PRKG1: variants seen among roughly 807,000 people sequenced by gnomAD.
The protein encoded by PRKG1 is cGMP-dependent protein kinase 1.
Under a neutral mutation model 88.1 loss-of-function variants are expected in PRKG1, and 35 were observed. That is an observed-to-expected ratio of 0.40 (90% CI 0.30 to 0.53). PRKG1 has a LOEUF of 0.53. Among genes scored for constraint, PRKG1 ranks in the 20% least tolerant of loss-of-function variants. The pLI is 0.59. For synonymous variants in PRKG1, 303 were observed against 292.5 expected, an observed-to-expected ratio of 1.04 and a Z score of -0.37; for missense variants, 540 against 839.8, an observed-to-expected ratio of 0.64 and a Z score of 4.41.
intron 10 of PRKG1, chr10:52,252,378 G>C (rs943209721): frequency 2.0e-5 from 3 of 151,998 alleles, no homozygotes; most frequent in African/African-American, 7.2e-5. Flanking sequence ...AGTGTCACAA[G>C]AATTAGAAAA....
At chr10:52,279,653 T>C (rs1277230352) in intron 12 of PRKG1, among the ~76,000 whole-genome samples, 2 of 151,344 alleles carry the variant, frequency 1.3e-5, no homozygotes, top group Non-Finnish European at 2.9e-5. Context: ...TCCACAATTT[T>C]GAAAAAAAAA....
intron 3 of PRKG1, among the ~76,000 whole-genome samples, chr10:51,597,701 T>C (rs987820918): frequency 6.6e-6 from 1 of 152,128 alleles, no homozygotes; most frequent in Non-Finnish European, 1.5e-5. Context: ...CAATATTGGA[T>C]GCACGAGAAG....
chr10:51,125,051 C>T (rs976741867), intron 1 of PRKG1, among the ~76,000 whole-genome samples: 7 of 152,200 alleles, frequency 4.6e-5, no homozygotes, highest in Non-Finnish European at 7.3e-5. Flanking sequence ...AGCATGGTGG[C>T]TGATGCCTAT....
intron 3 of PRKG1, among the ~76,000 whole-genome samples, chr10:51,567,794 C>A (rs1307429950): frequency 6.6e-6 from 1 of 152,032 alleles, no homozygotes; most frequent in Non-Finnish European, 1.5e-5. Context: ...GCCATGTTGG[C>A]CAGGCTGTTC....
intron 7 of PRKG1, among the ~76,000 whole-genome samples, chr10:52,082,551 T>A (rs1320055043): frequency 6.6e-6 from 1 of 152,152 alleles, no homozygotes; most frequent in East Asian, 1.9e-4. Flanking sequence ...TCTGGCAAGC[T>A]GGTGTGAGGG....
At chr10:51,944,829 G>A (rs1292846575) in intron 5 of PRKG1, among the ~76,000 whole-genome samples, 5 of 151,862 alleles carry the variant, frequency 3.3e-5, no homozygotes, top group East Asian at 3.9e-4. Flanking sequence ...ATAGTTTGTT[G>A]TAATTTCTGT....
intron 4 of PRKG1, among the ~76,000 whole-genome samples, chr10:51,892,564 G>T (rs1841748648): frequency 6.6e-6 from 1 of 152,092 alleles, no homozygotes; most frequent in Admixed American, 6.6e-5. Flanking sequence ...AGTCACCAGG[G>T]GTTTTGAAGT....
At chr10:51,729,706 C>CAAAAAAAAAAAAA (rs34900286) in intron 3 of PRKG1, among the ~76,000 whole-genome samples, 3 of 28,776 alleles carry the variant, frequency 1.0e-4, no homozygotes, top group African/African-American at 3.4e-4. Context: ...GACTCCATCT[C>CAAAAAAAAAAAAA]AAAAAAAAAA....
At chr10:52,045,424 C>T (rs1276701717) in intron 5 of PRKG1, among the ~76,000 whole-genome samples, 1 of 152,076 alleles carries the variant, frequency 6.6e-6, no homozygotes, top group Non-Finnish European at 1.5e-5. Context: ...TGCATCACAA[C>T]ACCAGAAAGA....
rs181236479 is a variant in PRKG1, at chr10:52,140,245, C to G, written c.1001+6340C>G. ...CCGTAGTTGTCCTGCTCCAGTTTTT[C>G]TCCATCCTGTATTCAGCTTTTTAAA... On this transcript the variant is annotated intron_variant, in intron 8 of 17. Transcript: ENST00000373980. Among the ~76,000 whole-genome samples the G allele has an allele frequency of 1.4e-4, 22 of 152,272 alleles. No individual in the cohort carries two copies. In the East Asian group the frequency reaches 4.3e-3, roughly 29 times the overall value.
intron 4 of PRKG1, among the ~76,000 whole-genome samples, chr10:51,817,347 A>ACCCCCCCCC (rs367740899): frequency 1.5e-5 from 2 of 129,584 alleles, no homozygotes; most frequent in African/African-American, 2.6e-5. Flanking sequence ...TCCCTCCCCA[A>ACCCCCCCCC]CCCCCCCCCT....
At chr10:52,293,329 A>C (rs998618568) in intron 17 of PRKG1, among the ~76,000 whole-genome samples, 3 of 151,622 alleles carry the variant, frequency 2.0e-5, no homozygotes, top group East Asian at 1.9e-4. Context: ...GAAAATGGCC[A>C]TACTGCCCAA....
chr10:51,969,764 C>T (rs776496207), intron 5 of PRKG1, among the ~76,000 whole-genome samples: 2 of 151,916 alleles, frequency 1.3e-5, no homozygotes, highest in Non-Finnish European at 2.9e-5. Flanking sequence ...ATATTCACAA[C>T]AACCAGTTTA....
chr10:51,325,596 A>G (rs754315754), intron 2 of PRKG1, among the ~76,000 whole-genome samples: 27 of 152,160 alleles, frequency 1.8e-4, no homozygotes, highest in Non-Finnish European at 2.9e-4. Flanking sequence ...TTCATTTGCT[A>G]TGCAGAAGCT....
At chr10:51,857,144 T>C (rs1840704230) in intron 4 of PRKG1, among the ~76,000 whole-genome samples, 1 of 152,142 alleles carries the variant, frequency 6.6e-6, no homozygotes, top group South Asian at 2.1e-4. Context: ...TCACATTTCA[T>C]TTGATTATTT....
intron 8 of PRKG1, among the ~76,000 whole-genome samples, chr10:52,157,335 A>G (rs913300138): frequency 1.7e-4 from 19 of 110,124 alleles, no homozygotes; most frequent in African/African-American, 5.7e-4. Context: ...ATATATATAT[A>G]TATGTATATA....
intron 10 of PRKG1, among the ~76,000 whole-genome samples, chr10:52,263,840 G>A (rs955636542): frequency 9.9e-5 from 15 of 152,032 alleles, no homozygotes; most frequent in African/African-American, 3.4e-4. Flanking sequence ...CAAAGTGCTG[G>A]CATTACAGGT....
chr10:52,244,884 A>G (rs1840981141), intron 9 of PRKG1, among the ~76,000 whole-genome samples: 1 of 126,926 alleles, frequency 7.9e-6, no homozygotes, highest in Non-Finnish European at 1.6e-5. Context: ...AAATATTTAA[A>G]TAATACTTTT....
intron 5 of PRKG1, among the ~76,000 whole-genome samples, chr10:52,044,896 G>A (rs551913082): frequency 1.3e-4 from 20 of 152,112 alleles, no homozygotes; most frequent in African/African-American, 3.6e-4. Context: ...TGACAGTTCC[G>A]TTATTTCCTT....
Sources: allele counts gnomAD v4.1 joint callset (sites outside exome capture counted in the v4.1 genomes callset), GRCh38; gene constraint gnomAD v4.1.1; transcripts MANE v1.5; gene names NCBI Gene and HGNC (gene_info 2026-07-23, HGNC 2026-07-21).